Variants in C12orf54 observed in about 807,000 individuals in gnomAD.
C12orf54 encodes chromosome 12 open reading frame 54, also known as uncharacterized protein C12orf54.
C12orf54 carries 24 observed loss-of-function variants against 26.4 expected under a neutral mutation model. The ratio of observed to expected loss-of-function variants is 0.91; its 90% confidence interval spans 0.66 to 1.28. C12orf54 has a LOEUF of 1.28. Ranked by LOEUF, C12orf54 falls within the 50% of genes most tolerant of loss-of-function variation. C12orf54 has a pLI of 0.00. For synonymous variants in C12orf54, 54 were observed against 47.0 expected (o/e 1.15, Z -0.61); for missense variants, 154 against 150.9 (o/e 1.02, Z -0.11).
the C12orf54 span, among the ~76,000 whole-genome samples, chr12:48,447,854 T>G: frequency 1.3e-3 from 202 of 152,284 alleles, no homozygotes; most frequent in African/African-American, 4.7e-3. Flanking sequence ...AGCAGAAAAC[T>G]TTCTCCCACT....
chr12:48,492,629 A>G (rs1180592537), intron 6 of C12orf54, among the ~76,000 whole-genome samples: 1 of 152,206 alleles, frequency 6.6e-6, no homozygotes, highest in Non-Finnish European at 1.5e-5. Flanking sequence ...CACACAAAAT[A>G]ATGGAGATAA....
chr12:48,490,969 C>A, intron 6 of C12orf54, 133 bp downstream of exon 6: 1 of 1,126,034 alleles, frequency 8.9e-7, no homozygotes, highest in Non-Finnish European at 1.3e-6. Flanking sequence ...ATCCCAAAGT[C>A]TCACCCTAGG....
chr12:48,483,389 C>T, intron 2 of C12orf54, 28 bp downstream of exon 2: 14 of 1,604,840 alleles, frequency 8.7e-6, no homozygotes, highest in East Asian at 2.2e-5. Flanking sequence ...GACCCTCAAA[C>T]ATCCTTAGAT....
intron 8 of C12orf54, 68 bp downstream of exon 8, chr12:48,495,047 C>A: frequency 1.7e-6 from 2 of 1,178,258 alleles, no homozygotes; most frequent in South Asian, 1.4e-5. Flanking sequence ...GGAACCCAGG[C>A]CTCTTAGGCC....
At chr12:48,417,925 T>A in the C12orf54 span, among the ~76,000 whole-genome samples, 1 of 152,242 alleles carries the variant, frequency 6.6e-6, no homozygotes, top group African/African-American at 2.4e-5. Flanking sequence ...CATTATTTTT[T>A]ATGGCTGCAC....
At chr12:48,455,023 A>C in the C12orf54 span, among the ~76,000 whole-genome samples, 1 of 152,158 alleles carries the variant, frequency 6.6e-6, no homozygotes, top group African/African-American at 2.4e-5. Flanking sequence ...ATTGCGTGTC[A>C]CTGGAGTTTG....
At chr12:48,419,458 C>T in the C12orf54 span, among the ~76,000 whole-genome samples, 3 of 152,146 alleles carry the variant, frequency 2.0e-5, no homozygotes, top group Admixed American at 2.0e-4. Context: ...TATGATTAGA[C>T]TTTGATGTTA....
At chr12:48,414,811 G>T in the C12orf54 span, among the ~76,000 whole-genome samples, 2,194 of 152,214 alleles carry the variant, frequency 0.014, 52 homozygotes, top group African/African-American at 0.05. Flanking sequence ...CTGAAGGCTT[G>T]CTAACCCTTC....
chr12:48,427,146 G>A, the C12orf54 span, among the ~76,000 whole-genome samples: 1 of 152,140 alleles, frequency 6.6e-6, no homozygotes. Flanking sequence ...GGGCATCCTT[G>A]TCTTGTGCCA....
At chr12:48,427,653 C>T in the C12orf54 span, among the ~76,000 whole-genome samples, 112 of 152,118 alleles carry the variant, frequency 7.4e-4, no homozygotes, top group Admixed American at 3.0e-3. Context: ...GCACCTAACA[C>T]GGGAGCTCCC....
chr12:48,459,215 G>A, the C12orf54 span, among the ~76,000 whole-genome samples: 1 of 152,078 alleles, frequency 6.6e-6, no homozygotes, highest in Non-Finnish European at 1.5e-5. Flanking sequence ...GAAGACTCAA[G>A]CCAGGACTTT....
chr12:48,467,310 C>G, the C12orf54 span, among the ~76,000 whole-genome samples: 1 of 152,154 alleles, frequency 6.6e-6, no homozygotes, highest in African/African-American at 2.4e-5. Flanking sequence ...AAGAAACGAA[C>G]CCTGTCGACA....
the C12orf54 span, among the ~76,000 whole-genome samples, chr12:48,430,797 G>GTATC: frequency 6.6e-6 from 1 of 152,160 alleles, no homozygotes; most frequent in African/African-American, 2.4e-5. Context: ...TCACTACTGA[G>GTATC]TATCTACCCA....
At chr12:48,443,219 A>T in the C12orf54 span, among the ~76,000 whole-genome samples, 1 of 151,990 alleles carries the variant, frequency 6.6e-6, no homozygotes, top group Non-Finnish European at 1.5e-5. Flanking sequence ...CTGTTGTTTT[A>T]TTATTAAGGC....
chr12:48,428,297 G>A, the C12orf54 span, among the ~76,000 whole-genome samples: 49 of 150,280 alleles, frequency 3.3e-4, 3 homozygotes, highest in South Asian at 0.01. Flanking sequence ...AAACCCAGCA[G>A]AAGAAAGGAA....
chr12:48,420,090 T>G, the C12orf54 span, among the ~76,000 whole-genome samples: 2 of 152,156 alleles, frequency 1.3e-5, no homozygotes, highest in African/African-American at 2.4e-5. Context: ...GGTTTTTTTT[T>G]TCACTACTTT....
At chr12:48,489,018 T>A in intron 5 of C12orf54, 62 bp downstream of exon 5, 1 of 1,505,944 alleles carries the variant, frequency 6.6e-7, no homozygotes, top group Non-Finnish European at 9.2e-7. Context: ...ATCCCATTTT[T>A]TTTCTTACCC....
chr12:48,440,649 G>C, the C12orf54 span, among the ~76,000 whole-genome samples: 1 of 152,118 alleles, frequency 6.6e-6, no homozygotes, highest in Non-Finnish European at 1.5e-5. Flanking sequence ...TTATACATAG[G>C]TCCCCTCATA....
the C12orf54 span, among the ~76,000 whole-genome samples, chr12:48,462,513 A>G: frequency 6.6e-6 from 1 of 151,786 alleles, no homozygotes; most frequent in East Asian, 1.9e-4. Context: ...AGCAAATTTC[A>G]TGATATATAA....
Sources: allele counts gnomAD v4.1 joint callset (sites outside exome capture counted in the v4.1 genomes callset), GRCh38; gene constraint gnomAD v4.1.1; transcripts MANE v1.5; gene names NCBI Gene and HGNC (gene_info 2026-07-23, HGNC 2026-07-21).